Variants in DIP2C observed in about 807,000 individuals in gnomAD.
The protein encoded by DIP2C is DIP2 acetate--CoA ligase C (putative).
In DIP2C, 33 loss-of-function variants were observed where a neutral mutation model predicts 192.4. The observed-to-expected ratio is 0.17, with a 90% CI of 0.13 to 0.23. DIP2C has a LOEUF of 0.23. Ranked by LOEUF, DIP2C falls within the 10% of genes least tolerant of loss-of-function variation. The pLI is 1.00. For synonymous variants in DIP2C, 979 were observed against 864.1 expected, an observed-to-expected ratio of 1.13 and a Z score of -2.33; for missense variants, 1,537 against 2,110.1, an observed-to-expected ratio of 0.73 and a Z score of 5.32.
chr10:414,908 T>A (rs56236857), intron 7 of DIP2C, among the ~76,000 whole-genome samples: 16,948 of 64,752 alleles, frequency 0.26, 1,551 homozygotes, highest in Non-Finnish European at 0.31. Context: ...ATATATATAT[T>A]TTTTTTTTTT....
intron 33 of DIP2C, 76 bp from the exon 34 acceptor site, chr10:286,423 C>T: frequency 7.7e-7 from 1 of 1,295,630 alleles, no homozygotes; most frequent in African/African-American, 1.5e-5. Flanking sequence ...ACCTCAATCT[C>T]ATCTTTATGC....
intron 1 of DIP2C, among the ~76,000 whole-genome samples, chr10:671,133 G>A (rs980632253): frequency 6.6e-6 from 1 of 152,238 alleles, no homozygotes; most frequent in Non-Finnish European, 1.5e-5. Context: ...CTCCCCGAGC[G>A]TGTGTCCCTG....
intron 1 of DIP2C, among the ~76,000 whole-genome samples, chr10:550,690 A>AG (rs930015845): frequency 1.3e-4 from 20 of 152,248 alleles, no homozygotes; most frequent in Admixed American, 1.2e-3. Context: ...AATCAGGTGG[A>AG]GAAAAAAAAA....
At chr10:407,777 T>G (rs2133066165) in intron 9 of DIP2C, among the ~76,000 whole-genome samples, 1 of 152,356 alleles carries the variant, frequency 6.6e-6, no homozygotes, top group South Asian at 2.1e-4. Context: ...TTGTTGTTGT[T>G]GCTTTTTTTG....
At chr10:404,210 A>ATTTTTTTTTTTTTTTTTTTTTTTTGTT in intron 9 of DIP2C, among the ~76,000 whole-genome samples, 1 of 146,438 alleles carries the variant, frequency 6.8e-6, no homozygotes, top group Non-Finnish European at 1.5e-5. Context: ...TTCATTCTGG[A>ATTTTTTTTTTTTTTTTTTTTTTTTGTT]TTTTTTTTTT....
Position 357,701 on chromosome 10 carries a change from C to A in DIP2C, c.2904+127G>T, listed in dbSNP as rs536483448. 1,400 of 684,542 alleles carry A rather than the reference C, an allele frequency of 2.0e-3. 7 individuals carry two copies. Among genetic ancestry groups the A allele is most frequent in the Non-Finnish European group, 2.3e-3 (914 of 405,912 alleles). The allele number at this position is 684,542 out of a possible 1,614,324, so 42.4% of individuals were successfully genotyped here. A position where few individuals can be genotyped will look rare whatever the true frequency, so the allele number is the denominator to read the frequency against. On this transcript the variant is annotated intron_variant, in intron 23 of 36. Coordinates refer to ENST00000280886, the MANE Select transcript of DIP2C (RefSeq NM_014974.3). Reference sequence around the variant, plus strand: ...ACTGTCGGGGACGGTTGCGGACAGTCAGACACTGTCGCGGACTGTCAGGGA... The same window carrying A: ...ACTGTCGGGGACGGTTGCGGACAGTAAGACACTGTCGCGGACTGTCAGGGA...
At chr10:317,855 T>G (rs1482725134) in intron 31 of DIP2C, among the ~76,000 whole-genome samples, 3 of 152,350 alleles carry the variant, frequency 2.0e-5, no homozygotes, top group East Asian at 1.9e-4. Flanking sequence ...CTGGTAGAAT[T>G]CGAATGTTCC....
At chr10:595,116 G>A (rs1023036947) in intron 1 of DIP2C, among the ~76,000 whole-genome samples, 6 of 152,166 alleles carry the variant, frequency 3.9e-5, no homozygotes, top group African/African-American at 1.4e-4. Flanking sequence ...GAGGTAAAAT[G>A]GCAAATCCCC....
intron 1 of DIP2C, among the ~76,000 whole-genome samples, chr10:618,875 G>A (rs896426475): frequency 6.6e-6 from 1 of 152,224 alleles, no homozygotes; most frequent in Non-Finnish European, 1.5e-5. Flanking sequence ...GCCAAGGTAT[G>A]CCTGGCTTCT....
chr10:512,348 C>G (rs1336266066), intron 1 of DIP2C, among the ~76,000 whole-genome samples: 1 of 152,102 alleles, frequency 6.6e-6, no homozygotes, highest in African/African-American at 2.4e-5. Context: ...TGCTTGAGCC[C>G]AGGAGCTCAA....
chr10:457,576 G>A (rs1024630748), intron 3 of DIP2C, among the ~76,000 whole-genome samples: 2 of 152,048 alleles, frequency 1.3e-5, no homozygotes, highest in Non-Finnish European at 2.9e-5. Context: ...TCTTTTTAGA[G>A]GCAGGGTCTC....
At chr10:509,928 G>A (rs930781155) in intron 1 of DIP2C, among the ~76,000 whole-genome samples, 1 of 152,202 alleles carries the variant, frequency 6.6e-6, no homozygotes, top group Non-Finnish European at 1.5e-5. Context: ...AGCTTCCCAG[G>A]GCAGGAGTTC....
At chr10:625,309 G>C (rs1854127959) in intron 1 of DIP2C, among the ~76,000 whole-genome samples, 1 of 152,192 alleles carries the variant, frequency 6.6e-6, no homozygotes, top group Admixed American at 6.5e-5. Context: ...AGCCAGCACA[G>C]TAGCTTCAGT....
intron 9 of DIP2C, among the ~76,000 whole-genome samples, chr10:407,766 TTTG>T (rs1178573743): frequency 3.3e-5 from 5 of 152,192 alleles, no homozygotes; most frequent in African/African-American, 9.6e-5. Flanking sequence ...TTTAAACGTT[TTTG>T]TTGTTGTTGC....
chr10:301,612 C>G (rs1956051387), intron 32 of DIP2C, among the ~76,000 whole-genome samples: 1 of 152,238 alleles, frequency 6.6e-6, no homozygotes, highest in African/African-American at 2.4e-5. Context: ...CACAGTCTCT[C>G]TGGGATATGG....
rs556728215 is a variant in DIP2C, at chr10:340,976, A to G, written c.3584+223T>C. On this transcript the variant is annotated intron_variant, in intron 29 of 36. Transcript: ENST00000280886. Reference sequence around the variant, plus strand: ...AAAGGTCCGCAACAGACGGCTCTCCAAAATGCTCCTTCCCTGCTGCAGAAA... The same window carrying G: ...AAAGGTCCGCAACAGACGGCTCTCCGAAATGCTCCTTCCCTGCTGCAGAAA... 174 of 674,412 alleles carry G rather than the reference A, an allele frequency of 2.6e-4. 1 individual carries two copies. In the African/African-American group the frequency reaches 2.9e-3, roughly 11 times the overall value. 41.8% of individuals were successfully genotyped at this position (674,412 alleles called of 1,614,324 possible).
chr10:386,873 C>G (rs1248030754), intron 14 of DIP2C, among the ~76,000 whole-genome samples: 1 of 152,144 alleles, frequency 6.6e-6, no homozygotes, highest in East Asian at 1.9e-4. Flanking sequence ...AGCAGTCATG[C>G]TCCACGTAGC....
intron 1 of DIP2C, among the ~76,000 whole-genome samples, chr10:578,819 A>G (rs2131571028): frequency 6.6e-6 from 1 of 152,058 alleles, no homozygotes; most frequent in Middle Eastern, 3.4e-3. Context: ...GCATGCATAG[A>G]GAGCACACAC....
chr10:323,303 CA>C (rs1379919325), intron 31 of DIP2C, among the ~76,000 whole-genome samples: 2 of 96,832 alleles, frequency 2.1e-5, no homozygotes, highest in East Asian at 2.4e-4. Flanking sequence ...TGCGGGGCTC[CA>C]GCGAGAGACC....
Sources: gnomAD v4.1 joint callset for allele counts (sites outside exome capture counted in the v4.1 genomes callset) on GRCh38, gnomAD v4.1.1 for gene constraint, MANE v1.5 for transcripts, NCBI Gene and HGNC (gene_info 2026-07-23, HGNC 2026-07-21) for gene names.